Variants in BBX observed in about 807,000 individuals in gnomAD.
BBX encodes BBX high mobility group box domain containing, also known as HMG box transcription factor BBX.
BBX carries 30 observed loss-of-function variants against 100.2 expected under a neutral mutation model. That is an observed-to-expected ratio of 0.30 (90% CI 0.22 to 0.41). The LOEUF (loss-of-function observed/expected upper bound fraction) is 0.41. Among genes scored for constraint, BBX ranks in the 10% least tolerant of loss-of-function variants. The pLI, the probability that BBX is intolerant of heterozygous loss-of-function variation, is 1.00. For synonymous variants in BBX, 376 were observed against 388.1 expected, an observed-to-expected ratio of 0.97 and a Z score of 0.37; for missense variants, 1,023 against 1,129.8, an observed-to-expected ratio of 0.91 and a Z score of 1.35.
intron 2 of BBX, among the ~76,000 whole-genome samples, chr3:107,596,511 A>C (rs1161756664): frequency 6.6e-6 from 1 of 152,178 alleles, no homozygotes; most frequent in East Asian, 1.9e-4. Context: ...AGGGGCTGGC[A>C]GCTTATGTGA....
At chr3:107,657,085 T>A (rs1357346905) in intron 3 of BBX, 1 of 152,110 alleles carries the variant, frequency 6.6e-6, no homozygotes, top group Admixed American at 6.5e-5. Flanking sequence ...TGAAAACTTC[T>A]GAGCAATGGA....
At chr3:107,694,950 T>C (rs1320998871) in intron 3 of BBX, among the ~76,000 whole-genome samples, 31 of 151,528 alleles carry the variant, frequency 2.0e-4, no homozygotes, top group Non-Finnish European at 8.8e-5. Context: ...AGGAATTTAT[T>C]CATTTCTTCT....
At chr3:107,524,901 C>T (rs1057260308) in intron 1 of BBX, among the ~76,000 whole-genome samples, 4 of 151,410 alleles carry the variant, frequency 2.6e-5, no homozygotes, top group African/African-American at 4.9e-5. Context: ...GGCTTTGAAA[C>T]CATTGCCTGT....
chr3:107,591,133 A>G (rs996772726), intron 2 of BBX, among the ~76,000 whole-genome samples: 2 of 152,244 alleles, frequency 1.3e-5, no homozygotes, highest in African/African-American at 2.4e-5. Context: ...AGTATAATAG[A>G]TTAAGCAGAG....
At chr3:107,542,612 T>C (rs1361770393) in intron 2 of BBX, among the ~76,000 whole-genome samples, 1 of 152,228 alleles carries the variant, frequency 6.6e-6, no homozygotes, top group Non-Finnish European at 1.5e-5. Flanking sequence ...ACCATGAATT[T>C]AGTGTTTCCA....
chr3:107,734,252 A>G (rs1000428547), intron 7 of BBX, among the ~76,000 whole-genome samples: 1 of 152,194 alleles, frequency 6.6e-6, no homozygotes, highest in Non-Finnish European at 1.5e-5. Context: ...TATATATTCA[A>G]TTTAACAGAA....
chr3:107,750,901 A>C (rs2065028579), intron 9 of BBX, among the ~76,000 whole-genome samples: 1 of 152,240 alleles, frequency 6.6e-6, no homozygotes, highest in Non-Finnish European at 1.5e-5. Flanking sequence ...AGTCAAAAGC[A>C]AAGGTTCTCA....
chr3:107,755,325 C>CT (rs2065388715), intron 9 of BBX, among the ~76,000 whole-genome samples: 1 of 152,142 alleles, frequency 6.6e-6, no homozygotes, highest in Non-Finnish European at 1.5e-5. Context: ...GCATTTCTCA[C>CT]TTTAAGGTTA....
chr3:107,798,578 C>T lies in BBX; in HGVS notation c.2409C>T (p.Ile803=). Residue 803 remains isoleucine (I), a synonymous_variant, in exon 16 of 18, where the codon ATC becomes ATT. Transcript: ENST00000325805. ...TMEPVHKVKN[I]PSIFNTPEPT... is the part of the protein sequence containing the mutation. The stretch of plus-strand genomic sequence containing the variant: ...AGCCTGTTCATAAGGTTAAAAATAT[C>T]CCATCCATTTTCAACACTCCAGAGC... 1.2e-6 allele frequency: 2 copies of T among 1,613,946 alleles called. No homozygotes were observed.
At position 107,584,014 on chromosome 3, in the gene BBX, TAC is replaced by T. The variant is rs1211981716; in HGVS notation, c.-84+57618_-84+57619del. On this transcript the variant is annotated intron_variant, in intron 2 of 17. Transcript: ENST00000325805. ...TATTATTATATTATTATATATATTATACATATTATTATATATATTAATTATAT... is the reference window on the plus strand; with the variant it reads ...TATTATTATATTATTATATATATTATATATTATTATATATATTAATTATAT... 7.5e-4 allele frequency among the ~76,000 whole-genome samples: 61 copies of T among 81,850 alleles called. 1 individual carries two copies. Among genetic ancestry groups the T allele is most frequent in the African/African-American group, 3.0e-3 (58 of 19,328 alleles). The allele number at this position is 81,850 out of a possible 152,430, so 53.7% of individuals were successfully genotyped here. A position where few individuals can be genotyped will look rare whatever the true frequency, so the allele number is the denominator to read the frequency against.
intron 7 of BBX, among the ~76,000 whole-genome samples, chr3:107,737,721 C>A (rs747712830): frequency 6.6e-6 from 1 of 152,050 alleles, no homozygotes; most frequent in Non-Finnish European, 1.5e-5. Context: ...TCACATGATA[C>A]TTCTAGCTTA....
chr3:107,731,333 A>G (rs566931689), intron 6 of BBX, among the ~76,000 whole-genome samples: 2 of 152,254 alleles, frequency 1.3e-5, no homozygotes, highest in African/African-American at 4.8e-5. Context: ...CTATCATCCA[A>G]TCCTCCTGAT....
chr3:107,792,039 A>G (rs868117479), intron 15 of BBX, among the ~76,000 whole-genome samples: 1 of 152,144 alleles, frequency 6.6e-6, no homozygotes, highest in African/African-American at 2.4e-5. Flanking sequence ...GAAAAATCCA[A>G]TATTAACTAG....
At position 107,808,805 on chromosome 3, in the gene BBX, G is replaced by A. The variant is rs981729573; in HGVS notation, c.*3348G>A. 2 of 152,110 alleles carry A rather than the reference G, an allele frequency of 1.3e-5. No homozygotes were observed. The highest frequency in any genetic ancestry group is 2.4e-5 in the African/African-American group (1 of 41,412). The allele number at this position is 152,110 out of a possible 1,614,324, so 9.4% of individuals were successfully genotyped here. ...AGGTAAATTCTACTGTTGTAATTCCGATAGTCTTTTTCCCACAAATATCAG... is the reference window on the plus strand; with the variant it reads ...AGGTAAATTCTACTGTTGTAATTCCAATAGTCTTTTTCCCACAAATATCAG... On this transcript the variant is annotated 3_prime_UTR_variant, in exon 18 of 18. Coordinates refer to ENST00000325805, the MANE Select transcript of BBX (RefSeq NM_001142568.3).
At chr3:107,757,774 T>C (rs1209709779) in intron 10 of BBX, among the ~76,000 whole-genome samples, 1 of 152,224 alleles carries the variant, frequency 6.6e-6, no homozygotes, top group African/African-American at 2.4e-5. Flanking sequence ...ATATAACGTT[T>C]AATTATTTCT....
chr3:107,579,624 C>T (rs912125013), intron 2 of BBX, among the ~76,000 whole-genome samples: 1 of 152,214 alleles, frequency 6.6e-6, no homozygotes, highest in Admixed American at 6.5e-5. Context: ...TCCCTCCCAT[C>T]CCAGCAGATT....
intron 2 of BBX, among the ~76,000 whole-genome samples, chr3:107,644,398 CG>C (rs1160379991): frequency 6.6e-6 from 1 of 151,942 alleles, no homozygotes; most frequent in Non-Finnish European, 1.5e-5. Context: ...ATTTACTTGA[CG>C]TTTATTTACA....
intron 2 of BBX, among the ~76,000 whole-genome samples, chr3:107,586,433 A>G (rs2052843885): frequency 6.6e-6 from 1 of 152,176 alleles, no homozygotes; most frequent in Non-Finnish European, 1.5e-5. Context: ...ATCAGGGGTC[A>G]CCTAGTTTTT....
chr3:107,631,882 TA>T (rs2056569327), intron 2 of BBX, among the ~76,000 whole-genome samples: 1 of 152,210 alleles, frequency 6.6e-6, no homozygotes, highest in Non-Finnish European at 1.5e-5. Flanking sequence ...AAACTTAAAT[TA>T]TTTTTGCATA....
Sources: gnomAD v4.1 joint callset for allele counts (sites outside exome capture counted in the v4.1 genomes callset) on GRCh38, gnomAD v4.1.1 for gene constraint, MANE v1.5 for transcripts, NCBI Gene and HGNC (gene_info 2026-07-23, HGNC 2026-07-21) for gene names.